Variants in ULK3 observed in about 807,000 individuals in gnomAD.
The protein encoded by ULK3 is serine/threonine-protein kinase ULK3.
Under a neutral mutation model 69.4 loss-of-function variants are expected in ULK3, and 54 were observed. That is an observed-to-expected ratio of 0.78 (90% CI 0.63 to 0.98). The LOEUF (loss-of-function observed/expected upper bound fraction) is 0.98, where lower values mean the gene tolerates loss of function less well. ULK3 is among the 50% of genes least tolerant of loss of function. The pLI, the probability that ULK3 is intolerant of heterozygous loss-of-function variation, is 0.00. For missense variants in ULK3, 558 were observed against 627.7 expected, an observed-to-expected ratio of 0.89 and a Z score of 1.19; for synonymous variants, 240 against 254.5, an observed-to-expected ratio of 0.94 and a Z score of 0.54.
chr15:74,838,669 C>T lies in ULK3; in HGVS notation c.1076G>A (p.Gly359Glu), dbSNP rs1293204723. 1.9e-6 allele frequency: 3 copies of T among 1,612,316 alleles called. No homozygotes were observed. Among genetic ancestry groups the T allele is most frequent in the Non-Finnish European group, 2.5e-6 (3 of 1,179,150 alleles). ...TCTGAGCAGGTCTCGGGCAGAGGTC[C>T]CCTGCCTCAGCAGGGCCTGATTGGA... ...SSSNQALLRQ[G>E]TSARDLLREM... Residue 359 changes from glycine (G) to glutamate (E), a missense_variant, in exon 10 of 16, where the codon GGG becomes GAG. Coordinates refer to ENST00000440863, the MANE Select transcript of ULK3 (RefSeq NM_001099436.4).
rs2064149279 is a variant in ULK3 at position 74,839,208 on chromosome 15, G to A, written c.958+60C>T. The A allele has an allele frequency of 2.6e-6, 4 of 1,535,156 alleles. No homozygotes were observed. In the Admixed American group the frequency reaches 5.9e-5, roughly 23 times the overall value. On this transcript the variant is annotated intron_variant, in intron 8 of 15. Coordinates refer to ENST00000440863, the MANE Select transcript of ULK3 (RefSeq NM_001099436.4). ...GAACTTCTGGAATCCACCTACTGCA[G>A]CCACAGATGACTCCCATCCCTGCTG... is the stretch of plus-strand genomic sequence containing the variant.
At position 74,843,034 on chromosome 15, in the gene ULK3, C is replaced by T; in HGVS notation, c.72G>A (p.Thr24=). The T allele has an allele frequency of 6.5e-7, 1 of 1,529,954 alleles. No individual in the cohort carries two copies. The highest frequency in any genetic ancestry group is 8.8e-7 in the Non-Finnish European group (1 of 1,136,734). The allele number at this position is 1,529,954 out of a possible 1,614,324, so 94.8% of individuals were successfully genotyped here. A position where few individuals can be genotyped will look rare whatever the true frequency, so the allele number is the denominator to read the frequency against. Residue 24 remains threonine, a synonymous_variant, in exon 1 of 16, where the codon ACG becomes ACA. Transcript: ENST00000440863. ...CGTAGGCCTTGTACACCGTGGCGTA[C>T]GTGCCGCTGCCCAGGCGCTCGGTGA... ...FILTERLGSG[T]YATVYKAYAK...
chr15:74,837,990 C>G lies in ULK3; in HGVS notation c.1287+162G>C, dbSNP rs1326307364. The G allele has an allele frequency of 3.1e-6, 4 of 1,278,570 alleles. No homozygotes were observed. In the African/African-American group the frequency reaches 6.0e-5, roughly 19 times the overall value. The allele number at this position is 1,278,570 out of a possible 1,614,324, so 79.2% of individuals were successfully genotyped here. ...CTTTTTGCTGCTGGGTTCCCAGATCCCCCACTGCCCTGTCTGAGCACCCCA... is the reference window on the plus strand; with the variant it reads ...CTTTTTGCTGCTGGGTTCCCAGATCGCCCACTGCCCTGTCTGAGCACCCCA... On this transcript the variant is annotated intron_variant, in intron 13 of 15. Transcript: ENST00000440863.
At position 74,842,758 on chromosome 15, in the gene ULK3, C is replaced by G; in HGVS notation, c.102+246G>C. 2.7e-6 allele frequency: 4 copies of G among 1,503,176 alleles called. No individual in the cohort carries two copies. The highest frequency in any genetic ancestry group is 3.6e-6 in the Non-Finnish European group (4 of 1,126,134). 93.1% of individuals were successfully genotyped at this position (1,503,176 alleles called of 1,614,324 possible). A position where few individuals can be genotyped will look rare whatever the true frequency, so the allele number is the denominator to read the frequency against. Reference sequence around the variant, plus strand: ...CCCAACTGGCTCCAGTCCCAGACTCCTCCCAGCCCACCAGGTAACCTGTTT... The same window carrying G: ...CCCAACTGGCTCCAGTCCCAGACTCGTCCCAGCCCACCAGGTAACCTGTTT... On this transcript the variant is annotated intron_variant, in intron 1 of 15. Coordinates refer to ENST00000440863, the MANE Select transcript of ULK3 (RefSeq NM_001099436.4). The surrounding 1 kb of genome is among the most constrained non-coding windows in gnomAD (Gnocchi z 4.9).
Position 74,842,527 on chromosome 15 carries a change from G to A in ULK3, c.103-107C>T, listed in dbSNP as rs769157233. 8 of 776,380 alleles carry A rather than the reference G, an allele frequency of 1.0e-5. No individual in the cohort carries two copies. The highest frequency in any genetic ancestry group is 1.4e-5 in the Non-Finnish European group (7 of 493,736). 48.1% of individuals were successfully genotyped at this position (776,380 alleles called of 1,614,324 possible). On this transcript the variant is annotated intron_variant, in intron 1 of 15. Coordinates refer to ENST00000440863, the MANE Select transcript of ULK3 (RefSeq NM_001099436.4). The surrounding 1 kb of genome is among the most constrained non-coding windows in gnomAD (Gnocchi z 4.9). The stretch of plus-strand genomic sequence containing the variant: ...CTGTTCCCCCACCCCGCCCCTCCCC[G>A]GGTCTACCTACTGCACACCAGCACC...
chr15:74,838,979 C>T, intron 9 of ULK3, 31 bp downstream of exon 9: 1 of 1,587,648 alleles, frequency 6.3e-7, no homozygotes, highest in East Asian at 2.3e-5. Context: ...ACCCCCTGCC[C>T]CCCCACTTCC....
Position 74,839,680 on chromosome 15 carries a change from G to A in ULK3, c.730C>T (p.Arg244Trp), listed in dbSNP as rs201900987. 1.3e-3 allele frequency: 2,077 copies of A among 1,553,088 alleles called. 6 individuals are homozygous for A. Among genetic ancestry groups the A allele is most frequent in the Non-Finnish European group, 9.8e-4 (1,133 of 1,150,908 alleles). The change falls in exon 7 of 16, where the codon CGG (arginine) becomes TGG (tryptophan). Residue 244 changes from arginine to tryptophan, a missense_variant. Transcript: ENST00000440863. Reference protein sequence around the residue: ...PLRPLLSRDCRDLLQRLLERD... With the variant: ...PLRPLLSRDCWDLLQRLLERD... The stretch of plus-strand genomic sequence containing the variant: ...TCCAGGAGCCGCTGCAGTAGGTCCC[G>A]GCAGTCTCGGGAGAGCAGGGGCCGC...
In ULK3 at chr15:74,838,737, C is replaced by T. The variant is rs1307631206; in HGVS notation, c.1008G>A (p.Gln336=). The T allele has an allele frequency of 1.2e-6, 2 of 1,605,918 alleles. No homozygotes were observed. The highest frequency in any genetic ancestry group is 1.3e-5 in the African/African-American group (1 of 74,800). ...RKEAIKAKVG[Q]YVSRAEELKA... ...TGAGCTCCTCAGCCCGGGACACGTA[C>T]TGCCCCACCTGTAGCAGGGAAAGGG... The change falls in exon 10 of 16, where the codon CAG becomes CAA. Residue 336 remains glutamine, a synonymous_variant. Transcript: ENST00000440863.
chr15:74,842,025 G>A lies in ULK3; in HGVS notation c.364+50C>T, dbSNP rs2064269946. 2 of 1,610,386 alleles carry A rather than the reference G, an allele frequency of 1.2e-6. No homozygotes were observed. The highest frequency in any genetic ancestry group is 1.7e-6 in the Non-Finnish European group (2 of 1,178,560). On this transcript the variant is annotated intron_variant, in intron 3 of 15. Transcript: ENST00000440863. This position sits in a 1 kb window ranked among gnomAD's most constrained non-coding sequence, Gnocchi z 4.9. ...GCCTGGGGGAGGGGTGGGATGGTGGGGGGCAGAGAACAAGGGACAGAGTGT... is the reference window on the plus strand; with the variant it reads ...GCCTGGGGGAGGGGTGGGATGGTGGAGGGCAGAGAACAAGGGACAGAGTGT...
chr15:74,837,640 T>C, intron 14 of ULK3, 111 bp downstream of exon 14: 1 of 1,390,518 alleles, frequency 7.2e-7, no homozygotes, highest in Non-Finnish European at 1.0e-6. Context: ...CAGGGAGGCC[T>C]GCAGAGGAGG....
chr15:74,838,846 G>A (rs1445696220), intron 9 of ULK3, 101 bp from the exon 10 acceptor site: 1 of 1,404,572 alleles, frequency 7.1e-7, no homozygotes, highest in African/African-American at 1.4e-5. Context: ...ACTGCCTCAA[G>A]CTATAAACAT....
chr15:74,839,744 ACACTG>A (rs1413251385), intron 6 of ULK3, 31 bp from the exon 7 acceptor site: 1 of 1,498,016 alleles, frequency 6.7e-7, no homozygotes, highest in Non-Finnish European at 8.9e-7. Flanking sequence ...GGGACAGATC[ACACTG>A]GGCTCCTCCA....
chr15:74,837,732 G>A lies in ULK3; in HGVS notation c.1335+19C>T, dbSNP rs192807982. 97 of 1,589,000 alleles carry A rather than the reference G, an allele frequency of 6.1e-5. No individual in the cohort carries two copies. In the Middle Eastern group the frequency reaches 8.3e-4, roughly 14 times the overall value. Reference sequence around the variant, plus strand: ...AGAACCCACAGACCCTAGCCCCAGCGTGGCCCCCATGTGCCCACCTTGACC... The same window carrying A: ...AGAACCCACAGACCCTAGCCCCAGCATGGCCCCCATGTGCCCACCTTGACC... On this transcript the variant is annotated intron_variant, in intron 14 of 15. Transcript: ENST00000440863.
At chr15:74,838,902 T>C (rs1271370611) in intron 9 of ULK3, 108 bp downstream of exon 9, 2 of 1,473,710 alleles carry the variant, frequency 1.4e-6, no homozygotes, top group Non-Finnish European at 1.9e-6. Flanking sequence ...CAGCTCTGTG[T>C]TGCAGGAGAG....
intron 6 of ULK3, 51 bp downstream of exon 6, chr15:74,840,183 G>GCCCTGACTCCCTCTGCC: frequency 6.4e-7 from 1 of 1,556,864 alleles, no homozygotes. Context: ...AACCCTCAGG[G>GCCCTGACTCCCTCTGCC]CCCTGACTCC....
Position 74,839,051 on chromosome 15 carries a change from C to G in ULK3, c.959-1G>C. 1 of 1,604,108 alleles carries G rather than the reference C, an allele frequency of 6.2e-7. No homozygotes were observed. The highest frequency in any genetic ancestry group is 8.5e-7 in the Non-Finnish European group (1 of 1,175,444). ...TCCTTCCGCTGGGCATCCACTTCATCTGCAGAAAGTGAGGTCATATGAGGA... is the reference window on the plus strand; with the variant it reads ...TCCTTCCGCTGGGCATCCACTTCATGTGCAGAAAGTGAGGTCATATGAGGA... On this transcript the variant is annotated splice_acceptor_variant, in intron 8 of 15. Transcript: ENST00000440863. LOFTEE classifies it high-confidence loss of function.
chr15:74,841,366 C>T (rs1417900645), intron 4 of ULK3, 39 bp downstream of exon 4: 1 of 1,570,664 alleles, frequency 6.4e-7, no homozygotes, highest in Non-Finnish European at 8.8e-7. Flanking sequence ...GAGGCCTCTG[C>T]ACTCTCCAAA....
Position 74,836,935 on chromosome 15 carries a change from A to G in ULK3, c.*293T>C. The stretch of plus-strand genomic sequence containing the variant: ...ATGATAGAGGGCTGCATGCCCCAAA[A>G]CGGACAGGCACAGGACCCAGTAACC... On this transcript the variant is annotated 3_prime_UTR_variant, in exon 16 of 16. Coordinates refer to ENST00000440863, the MANE Select transcript of ULK3 (RefSeq NM_001099436.4). The surrounding 1 kb of genome is among the most constrained non-coding windows in gnomAD (Gnocchi z 4.0). The G allele has an allele frequency of 2.8e-6, 1 of 353,500 alleles. No individual in the cohort carries two copies. Among genetic ancestry groups the G allele is most frequent in the East Asian group, 4.3e-5 (1 of 23,074 alleles). The allele number at this position is 353,500 out of a possible 1,614,324, so 21.9% of individuals were successfully genotyped here.
At chr15:74,838,075 C>G (rs1303098552) in intron 13 of ULK3, 77 bp downstream of exon 13, 2 of 1,533,040 alleles carry the variant, frequency 1.3e-6, no homozygotes, top group Admixed American at 2.0e-5. Context: ...CCAGAGGGAA[C>G]CCAAAGAGGT....
Sources: allele counts gnomAD v4.1 joint callset, GRCh38; gene constraint gnomAD v4.1.1; non-coding constraint Gnocchi (gnomAD v3.1); transcripts MANE v1.5; gene names NCBI Gene and HGNC (gene_info 2026-07-23, HGNC 2026-07-21).